PALM2AKAP2: variants seen among roughly 807,000 people sequenced by gnomAD.
The protein encoded by PALM2AKAP2 is PALM2-AKAP2 fusion protein.
PALM2AKAP2 carries 37 observed loss-of-function variants against 71.5 expected under a neutral mutation model. That is an observed-to-expected ratio of 0.52 (90% CI 0.40 to 0.68). The LOEUF (loss-of-function observed/expected upper bound fraction) is 0.68. Ranked by LOEUF, PALM2AKAP2 falls within the 30% of genes least tolerant of loss-of-function variation. The pLI is 0.00. For missense variants in PALM2AKAP2, 1,224 were observed against 1,191.8 expected (o/e 1.03, Z -0.40); for synonymous variants, 468 against 478.8 (o/e 0.98, Z 0.29).
intron 3 of PALM2AKAP2, among the ~76,000 whole-genome samples, chr9:109,916,263 G>A (rs1830689407): frequency 6.6e-6 from 1 of 152,296 alleles, no homozygotes; most frequent in South Asian, 2.1e-4. Context: ...TGGGAAGCAG[G>A]AACTGGAGAT....
chr9:109,842,914 G>T (rs774292870), intron 1 of PALM2AKAP2, among the ~76,000 whole-genome samples: 3 of 152,036 alleles, frequency 2.0e-5, no homozygotes, highest in Non-Finnish European at 4.4e-5. Flanking sequence ...GCCAATGAGG[G>T]CGGATCACCT....
intron 6 of PALM2AKAP2, among the ~76,000 whole-genome samples, chr9:109,985,049 G>T: frequency 6.6e-6 from 1 of 151,940 alleles, no homozygotes; most frequent in East Asian, 1.9e-4. Context: ...GGTGGTGCAC[G>T]CCTGCAGTCC....
At chr9:109,858,833 A>G (rs980892318) in intron 1 of PALM2AKAP2, among the ~76,000 whole-genome samples, 1 of 152,164 alleles carries the variant, frequency 6.6e-6, no homozygotes, top group African/African-American at 2.4e-5. Flanking sequence ...TTTAGAGGAA[A>G]CCAAAGTGAA....
At chr9:110,099,000 A>G (rs745444661) in intron 1 of PALM2AKAP2, among the ~76,000 whole-genome samples, 1 of 152,200 alleles carries the variant, frequency 6.6e-6, no homozygotes, top group African/African-American at 2.4e-5. Context: ...ATTACTTTCA[A>G]TTCCCCTGTT....
rs146621543 is a variant in PALM2AKAP2, at chr9:109,833,971, G to A, written c.46-33520G>A. Among the ~76,000 whole-genome samples the A allele has an allele frequency of 3.2e-3, 485 of 152,294 alleles. 2 individuals are homozygous for A. Among genetic ancestry groups the A allele is most frequent in the African/African-American group, 0.011 (457 of 41,576 alleles). On this transcript the variant is annotated intron_variant, in intron 1 of 9. Coordinates refer to the PALM2AKAP2 transcript ENST00000302798. ...CTCACGCCTATAAACCCAGGACTTC[G>A]GGAGGCCAAGGCGGGCAGATCACCT...
Position 110,168,294 on chromosome 9 carries a change from C to G in PALM2AKAP2, c.2749-105C>G. On this transcript the variant is annotated intron_variant, in intron 3 of 3. Coordinates refer to ENST00000374525, the Ensembl canonical transcript of PALM2AKAP2. ...TCCCAGCAGTGCTTTATCACTTTCT[C>G]CTCTCAAGTTGATAAAGAGAAAGGA... is the stretch of plus-strand genomic sequence containing the variant. The G allele has an allele frequency of 2.9e-6, 4 of 1,384,242 alleles. No individual in the cohort carries two copies. In the Admixed American group the frequency reaches 6.9e-5, roughly 24 times the overall value. The allele number at this position is 1,384,242 out of a possible 1,614,324, so 85.7% of individuals were successfully genotyped here. A position where few individuals can be genotyped will look rare whatever the true frequency, so the allele number is the denominator to read the frequency against.
chr9:110,151,690 C>G lies in PALM2AKAP2; in HGVS notation c.2570-4629C>G, dbSNP rs184727215. 4.8e-3 allele frequency among the ~76,000 whole-genome samples: 727 copies of G among 152,304 alleles called. 2 individuals carry two copies. The highest frequency in any genetic ancestry group is 7.5e-3 in the Non-Finnish European group (513 of 68,032). ...TCAAAGGCTTAAGTCTAAAATTACT[C>G]CAGATGGAATAGTTTGAATATGATC... On this transcript the variant is annotated intron_variant, in intron 2 of 3. Coordinates refer to ENST00000374525, the Ensembl canonical transcript of PALM2AKAP2.
intron 1 of PALM2AKAP2, among the ~76,000 whole-genome samples, chr9:109,772,875 T>C (rs1332912529): frequency 2.0e-5 from 3 of 152,128 alleles, no homozygotes; most frequent in African/African-American, 7.2e-5. Flanking sequence ...TCCCAGCACT[T>C]TGGGAGGCCG....
intron 1 of PALM2AKAP2, among the ~76,000 whole-genome samples, chr9:109,853,144 A>C (rs1323747347): frequency 6.6e-6 from 1 of 152,160 alleles, no homozygotes; most frequent in African/African-American, 2.4e-5. Flanking sequence ...CCTCATCTGT[A>C]ATGGAGGGAT....
intron 1 of PALM2AKAP2, among the ~76,000 whole-genome samples, chr9:109,652,519 T>C (rs1425707974): frequency 6.6e-6 from 1 of 152,226 alleles, no homozygotes; most frequent in Non-Finnish European, 1.5e-5. Flanking sequence ...CAAATAAATC[T>C]GTTTTCCTTA....
At chr9:109,868,368 G>C (rs949258872) in intron 2 of PALM2AKAP2, among the ~76,000 whole-genome samples, 1 of 152,156 alleles carries the variant, frequency 6.6e-6, no homozygotes, top group Non-Finnish European at 1.5e-5. Context: ...CCAATGGCCA[G>C]CCGGGAGTTG....
chr9:109,875,108 C>T (rs953543385), intron 2 of PALM2AKAP2, among the ~76,000 whole-genome samples: 2 of 152,200 alleles, frequency 1.3e-5, no homozygotes, highest in African/African-American at 2.4e-5. Context: ...GTTCTGCCCT[C>T]CCACCCCAAC....
intron 1 of PALM2AKAP2, among the ~76,000 whole-genome samples, chr9:109,847,365 C>A (rs1045125983): frequency 6.6e-6 from 1 of 152,188 alleles, no homozygotes; most frequent in African/African-American, 2.4e-5. Context: ...GATGAATTGT[C>A]CCCTAGAGCC....
intron 1 of PALM2AKAP2, among the ~76,000 whole-genome samples, chr9:109,726,937 T>C (rs1012640124): frequency 1.3e-5 from 2 of 152,224 alleles, no homozygotes; most frequent in African/African-American, 4.8e-5. Context: ...ATTTTCATTA[T>C]TGCAGAAAGT....
At chr9:109,852,451 C>A (rs1201235270) in intron 1 of PALM2AKAP2, among the ~76,000 whole-genome samples, 1 of 152,116 alleles carries the variant, frequency 6.6e-6, no homozygotes, top group Non-Finnish European at 1.5e-5. Flanking sequence ...TGATGGGCAC[C>A]CGGTTGATTT....
intron 3 of PALM2AKAP2, among the ~76,000 whole-genome samples, chr9:110,164,130 G>A (rs1836670082): frequency 6.6e-6 from 1 of 152,114 alleles, no homozygotes. Flanking sequence ...ACGTCTAATT[G>A]TGGTTCTCAT....
At chr9:110,023,433 C>G (rs1833112507) in intron 7 of PALM2AKAP2, among the ~76,000 whole-genome samples, 3 of 150,426 alleles carry the variant, frequency 2.0e-5, no homozygotes, top group Middle Eastern at 3.4e-3. Flanking sequence ...TCCTGCTAAG[C>G]CTCCTGAGTA....
At chr9:109,948,115 T>C (rs1295313162) in intron 6 of PALM2AKAP2, among the ~76,000 whole-genome samples, 1 of 152,210 alleles carries the variant, frequency 6.6e-6, no homozygotes, top group Non-Finnish European at 1.5e-5. Flanking sequence ...AGGAAAACTT[T>C]CCTGCATTTT....
At chr9:110,036,443 G>A (rs1833410980) in intron 7 of PALM2AKAP2, among the ~76,000 whole-genome samples, 1 of 152,024 alleles carries the variant, frequency 6.6e-6, no homozygotes, top group South Asian at 2.1e-4. Context: ...ATTATGTCTG[G>A]AATCTGATTT....
Sources: allele counts gnomAD v4.1 joint callset (sites outside exome capture counted in the v4.1 genomes callset), GRCh38; gene constraint gnomAD v4.1.1; transcripts MANE v1.5; gene names NCBI Gene and HGNC (gene_info 2026-07-23, HGNC 2026-07-21).